The following CEACAM19 variants were observed in gnomAD, a reference collection of about 807,000 sequenced individuals.
CEACAM19 encodes CEA cell adhesion molecule 19.
CEACAM19 carries 37 observed loss-of-function variants against 37.6 expected under a neutral mutation model. That is an observed-to-expected ratio of 0.98 (90% CI 0.76 to 1.29). The LOEUF is 1.29. CEACAM19 is among the 50% of genes most tolerant of loss of function. The pLI is 0.00. For missense variants in CEACAM19, 340 were observed against 375.6 expected (o/e 0.91, Z 0.78); for synonymous variants, 140 against 149.8 (o/e 0.93, Z 0.48).
At chr19:44,681,928 C>T (rs567973544) in intron 6 of CEACAM19, among the ~76,000 whole-genome samples, 8 of 142,760 alleles carry the variant, frequency 5.6e-5, no homozygotes, top group African/African-American at 2.3e-4. Flanking sequence ...GAGACTCCAT[C>T]CCAAAAAAAA....
intron 2 of CEACAM19, among the ~76,000 whole-genome samples, chr19:44,674,514 C>T (rs374215739): frequency 5.3e-5 from 8 of 152,110 alleles, no homozygotes; most frequent in African/African-American, 1.7e-4. Flanking sequence ...GATCCTCCCA[C>T]CTCAGCTTCC....
At chr19:44,674,057 C>A (rs557356693) in intron 2 of CEACAM19, among the ~76,000 whole-genome samples, 1 of 152,182 alleles carries the variant, frequency 6.6e-6, no homozygotes, top group South Asian at 2.1e-4. Context: ...ATCACCCTGG[C>A]CAACATGGTA....
chr19:44,672,521 C>G, intron 1 of CEACAM19, 75 bp from the exon 2 acceptor site: 1 of 1,374,644 alleles, frequency 7.3e-7, no homozygotes, highest in Non-Finnish European at 9.5e-7. Flanking sequence ...CGCTGAAGAT[C>G]TGTATCTAGA....
intron 3 of CEACAM19, 90 bp downstream of exon 3, chr19:44,676,511 A>T: frequency 7.7e-7 from 1 of 1,294,222 alleles, no homozygotes; most frequent in Non-Finnish European, 1.1e-6. Flanking sequence ...CATCCGGCTC[A>T]TACACAATCT....
chr19:44,668,573 GTATATAATTATATAATTA>G, upstream of CEACAM19, among the ~76,000 whole-genome samples: 1 of 56,764 alleles, frequency 1.8e-5, no homozygotes, highest in Non-Finnish European at 2.9e-5. Context: ...TATTATATAT[GTATATAATTATATAATTA>G]TATACACATA....
chr19:44,679,156 C>CTAATTTTTG (rs1211282389), intron 4 of CEACAM19, among the ~76,000 whole-genome samples: 1 of 152,120 alleles, frequency 6.6e-6, no homozygotes, highest in African/African-American at 2.4e-5. Context: ...CCACACCTGG[C>CTAATTTTTG]TAATTTTTGT....
In CEACAM19 at chr19:44,672,808, G is replaced by C; in HGVS notation, c.268G>C (p.Asp90His). The C allele has an allele frequency of 6.3e-7, 1 of 1,596,110 alleles. No individual in the cohort carries two copies. The highest frequency in any genetic ancestry group is 2.3e-5 in the East Asian group (1 of 43,916). The change falls in exon 2 of 8, where the codon GAT becomes CAT. Residue 90 changes from aspartate (D) to histidine (H), a missense_variant. Transcript: ENST00000358777. Reference protein sequence around the residue: ...YIPGIQRPQRDGSAMGQRDIV... With the variant: ...YIPGIQRPQRHGSAMGQRDIV... Reference sequence around the variant, plus strand: ...CCCTGGGATACAACGGCCTCAGAGGGATGGCAGTGCCATGGGACAGCGAGA... The same window carrying C: ...CCCTGGGATACAACGGCCTCAGAGGCATGGCAGTGCCATGGGACAGCGAGA...
chr19:44,672,716 C>A lies in CEACAM19; in HGVS notation c.176C>A (p.Thr59Asn), dbSNP rs548730214. The change falls in exon 2 of 8, where the codon ACC (threonine) becomes AAC (asparagine). Residue 59 changes from threonine to asparagine, a missense_variant. Physicochemically the swap from Thr to Asn is moderately conservative, Grantham distance 65. Transcript: ENST00000358777. ...LLLSVQGVPDTFQDFNWYLGE... is the reference protein window; with the variant it reads ...LLLSVQGVPDNFQDFNWYLGE... ...CTGTCAGTCCAGGGTGTCCCAGACA[C>A]CTTCCAGGACTTCAACTGGTACCTG... is the stretch of plus-strand genomic sequence containing the variant. 1 of 1,581,762 alleles carries A rather than the reference C, an allele frequency of 6.3e-7. No homozygotes were observed. Among genetic ancestry groups the A allele is most frequent in the East Asian group, 2.3e-5 (1 of 42,992 alleles).
At chr19:44,670,811 A>C (rs1973843435), upstream of CEACAM19, among the ~76,000 whole-genome samples, 1 of 140,446 alleles carries the variant, frequency 7.1e-6, no homozygotes, top group East Asian at 2.0e-4. Context: ...AAAAAAAAAA[A>C]CAGGCTGAGC....
intron 6 of CEACAM19, among the ~76,000 whole-genome samples, chr19:44,682,323 G>C (rs1974075273): frequency 6.6e-6 from 1 of 152,146 alleles, no homozygotes; most frequent in South Asian, 2.1e-4. Context: ...GTGTTGACAG[G>C]GGTAGACTGA....
intron 7 of CEACAM19, chr19:44,682,988 C>G: frequency 3.6e-6 from 1 of 275,002 alleles, no homozygotes; most frequent in South Asian, 6.5e-5. Context: ...GCTGTCTGTC[C>G]CTGTAGTTCT....
At chr19:44,674,695 C>T (rs989143070) in intron 2 of CEACAM19, among the ~76,000 whole-genome samples, 2 of 152,156 alleles carry the variant, frequency 1.3e-5, no homozygotes, top group African/African-American at 2.4e-5. Context: ...GAGCCACCAC[C>T]CCTGGCCCCT....
At chr19:44,682,539 C>T in intron 6 of CEACAM19, 28 bp from the exon 7 acceptor site, 1 of 1,579,078 alleles carries the variant, frequency 6.3e-7, no homozygotes, top group South Asian at 1.2e-5. Flanking sequence ...GTGCCGAGCG[C>T]CCACTCACCC....
chr19:44,683,686 G>A lies in CEACAM19; in HGVS notation c.*196G>A, dbSNP rs1974106564. 4 of 426,162 alleles carry A rather than the reference G, an allele frequency of 9.4e-6. No homozygotes were observed. The highest frequency in any genetic ancestry group is 1.7e-5 in the Non-Finnish European group (4 of 239,120). The allele number at this position is 426,162 out of a possible 1,614,324, so 26.4% of individuals were successfully genotyped here. A position where few individuals can be genotyped will look rare whatever the true frequency, so the allele number is the denominator to read the frequency against. On this transcript the variant is annotated 3_prime_UTR_variant, in exon 8 of 8. Transcript: ENST00000358777. ...GACTGTAACAGGCCCAGGTCCTTGT[G>A]CAGCCCGTGAATGCACGCCCGCCTT... is the stretch of plus-strand genomic sequence containing the variant.
chr19:44,668,670 CATATATTATATATTATA>C (rs1362626589), upstream of CEACAM19, among the ~76,000 whole-genome samples: 1 of 38,478 alleles, frequency 2.6e-5, no homozygotes, highest in Non-Finnish European at 4.4e-5. Flanking sequence ...TAATTATATA[CATATATTATATATTATA>C]ATATATTATA....
intron 4 of CEACAM19, among the ~76,000 whole-genome samples, chr19:44,680,082 AG>A (rs1343449415): frequency 2.0e-5 from 3 of 152,096 alleles, no homozygotes; most frequent in African/African-American, 7.2e-5. Flanking sequence ...CATTGGCATA[AG>A]GTGGTGGCTA....
chr19:44,677,987 C>T (rs1282634968), intron 3 of CEACAM19: 1 of 151,564 alleles, frequency 6.6e-6, no homozygotes, highest in African/African-American at 2.4e-5. Context: ...ATTTCTTTTT[C>T]TTTTTTAAAG....
At chr19:44,676,797 T>A (rs1973958191) in intron 3 of CEACAM19, among the ~76,000 whole-genome samples, 1 of 151,908 alleles carries the variant, frequency 6.6e-6, no homozygotes, top group Non-Finnish European at 1.5e-5. Context: ...CTAATTTTTT[T>A]TATTTTTGTA....
rs373798200 is a variant in CEACAM19, at chr19:44,680,347, C to G, written c.706+13C>G. The G allele has an allele frequency of 6.2e-7, 1 of 1,608,248 alleles. No individual in the cohort carries two copies. The highest frequency in any genetic ancestry group is 8.5e-7 in the Non-Finnish European group (1 of 1,177,680). On this transcript the variant is annotated intron_variant, in intron 5 of 7. Coordinates refer to ENST00000358777, the MANE Select transcript of CEACAM19 (RefSeq NM_001127893.3). ...GCTCATGATGCTGGTAAGGCGGGAG[C>G]CCCAGATCTCACTACCTAGCCCTCC...
Sources: allele counts gnomAD v4.1 joint callset (sites outside exome capture counted in the v4.1 genomes callset), GRCh38; gene constraint gnomAD v4.1.1; transcripts MANE v1.5; gene names NCBI Gene and HGNC (gene_info 2026-07-23, HGNC 2026-07-21).